GLT6D1: variants seen among roughly 807,000 people sequenced by gnomAD.
GLT6D1 encodes putative glycosyltransferase 6 domain-containing protein 1.
A neutral mutation model predicts 12.3 loss-of-function variants in GLT6D1; 9 were observed. That is an observed-to-expected ratio of 0.73 (90% CI 0.44 to 1.27). The LOEUF (loss-of-function observed/expected upper bound fraction) is 1.27. Ranked by LOEUF, GLT6D1 falls within the 50% of genes most tolerant of loss-of-function variation. GLT6D1 has a pLI of 0.00. For synonymous variants in GLT6D1, 128 were observed against 132.3 expected, an observed-to-expected ratio of 0.97 and a Z score of 0.23; for missense variants, 335 against 346.2, an observed-to-expected ratio of 0.97 and a Z score of 0.26.
rs1044898810 is a variant in GLT6D1 at position 135,639,105 on chromosome 9, C to T, written c.71+12G>A. 4 of 1,429,974 alleles carry T rather than the reference C, an allele frequency of 2.8e-6. No homozygotes were observed. The highest frequency in any genetic ancestry group is 1.9e-4 in the Middle Eastern group (1 of 5,276). The allele number at this position is 1,429,974 out of a possible 1,614,324, so 88.6% of individuals were successfully genotyped here. A position where few individuals can be genotyped will look rare whatever the true frequency, so the allele number is the denominator to read the frequency against. On this transcript the variant is annotated intron_variant, in intron 2 of 4. Coordinates refer to ENST00000371763, the MANE Select transcript of GLT6D1 (RefSeq NM_182974.3). Reference sequence around the variant, plus strand: ...CACTAAAGATCATGATTTATCAATACTTTATATTTACCTGAAATAACGCTC... The same window carrying T: ...CACTAAAGATCATGATTTATCAATATTTTATATTTACCTGAAATAACGCTC...
chr9:135,634,954 C>T (rs191863409), intron 2 of GLT6D1, among the ~76,000 whole-genome samples: 37 of 152,316 alleles, frequency 2.4e-4, no homozygotes, highest in Admixed American at 7.8e-4. Context: ...TATAAGAAAG[C>T]GCTGCGCGCA....
At chr9:135,637,429 A>G (rs986325907) in intron 2 of GLT6D1, among the ~76,000 whole-genome samples, 8 of 151,914 alleles carry the variant, frequency 5.3e-5, no homozygotes, top group Non-Finnish European at 1.0e-4. Context: ...GCTCTGTGGC[A>G]TGATAAGGCT....
In GLT6D1 at chr9:135,624,157, T is replaced by C; in HGVS notation, c.771A>G (p.Gly257=). ...LNGVIHDIKN[G]LNSTYEKHLN... Reference sequence around the variant, plus strand: ...GGTGCTTTTCATAAGTGCTATTGAGTCCATTTTTGATGTCATGAATAACTC... The same window carrying C: ...GGTGCTTTTCATAAGTGCTATTGAGCCCATTTTTGATGTCATGAATAACTC... Residue 257 remains glycine (G), a synonymous_variant, in exon 5 of 5, where the codon GGA becomes GGG. Transcript: ENST00000371763. The C allele has an allele frequency of 6.2e-7, 1 of 1,613,738 alleles. No individual in the cohort carries two copies. The highest frequency in any genetic ancestry group is 8.5e-7 in the Non-Finnish European group (1 of 1,179,868).
Position 135,639,284 on chromosome 9 carries a change from G to A in GLT6D1, c.-7+9C>T, listed in dbSNP as rs771736756. 87 of 669,216 alleles carry A rather than the reference G, an allele frequency of 1.3e-4. No individual in the cohort carries two copies. Among genetic ancestry groups the A allele is most frequent in the Non-Finnish European group, 2.0e-4 (76 of 386,554 alleles). The allele number at this position is 669,216 out of a possible 1,614,324, so 41.5% of individuals were successfully genotyped here. A position where few individuals can be genotyped will look rare whatever the true frequency, so the allele number is the denominator to read the frequency against. ...ACAATGGGTTAATGTATGGGCATTG[G>A]ACACCAACCTTAGAGGTTGCTTCTA... On this transcript the variant is annotated intron_variant, in intron 1 of 4. Coordinates refer to ENST00000371763, the MANE Select transcript of GLT6D1 (RefSeq NM_182974.3).
intron 2 of GLT6D1, among the ~76,000 whole-genome samples, chr9:135,635,063 C>G (rs1322265262): frequency 6.6e-6 from 1 of 152,114 alleles, no homozygotes; most frequent in Non-Finnish European, 1.5e-5. Flanking sequence ...AGATTTGTCT[C>G]TTCTCCCTTC....
intron 3 of GLT6D1, among the ~76,000 whole-genome samples, chr9:135,630,613 G>A (rs569749330): frequency 1.3e-5 from 2 of 151,900 alleles, no homozygotes; most frequent in East Asian, 1.9e-4. Flanking sequence ...CCAGCTACAC[G>A]GGAGGCTGAG....
chr9:135,634,443 T>TC, intron 2 of GLT6D1, among the ~76,000 whole-genome samples: 1 of 18,888 alleles, frequency 5.3e-5, no homozygotes, highest in South Asian at 1.4e-3. Context: ...TTTCCTTTCC[T>TC]TTTTTTTTTT....
At position 135,624,370 on chromosome 9, in the gene GLT6D1, G is replaced by A. The variant is rs1345944397; in HGVS notation, c.558C>T (p.Thr186=). 3 of 1,613,926 alleles carry A rather than the reference G, an allele frequency of 1.9e-6. No individual in the cohort carries two copies. The highest frequency in any genetic ancestry group is 2.5e-6 in the Non-Finnish European group (3 of 1,180,020). Residue 186 remains threonine, a synonymous_variant, in exon 5 of 5, where the codon ACC becomes ACT. Coordinates refer to ENST00000371763, the MANE Select transcript of GLT6D1 (RefSeq NM_182974.3). The part of the protein sequence containing the change: ...QVFQNEFGVE[T]LGPLVAQLHA... ...GGAGCTGGGCCACCAACGGGCCCAG[G>A]GTCTCCACCCCGAACTCATTCTGGA...
At position 135,628,958 on chromosome 9, in the gene GLT6D1, C is replaced by T. The variant is rs570670774; in HGVS notation, c.119+2473G>A. ...TTCAGTTCTCCCTTTTTAGCTAGGA[C>T]AATCAAGTTACACTTTTGGCAAATT... On this transcript the variant is annotated intron_variant, in intron 3 of 4. Transcript: ENST00000371763. Among the ~76,000 whole-genome samples the T allele has an allele frequency of 5.3e-5, 8 of 152,170 alleles. No homozygotes were observed. In the South Asian group the frequency reaches 1.7e-3, roughly 32 times the overall value.
chr9:135,633,931 C>G (rs1221763335), intron 2 of GLT6D1, among the ~76,000 whole-genome samples: 1 of 152,146 alleles, frequency 6.6e-6, no homozygotes, highest in Non-Finnish European at 1.5e-5. Flanking sequence ...GCTGTGGTTC[C>G]GGGGTAGATG....
At chr9:135,627,251 A>G (rs1476604432) in intron 3 of GLT6D1, among the ~76,000 whole-genome samples, 2 of 152,190 alleles carry the variant, frequency 1.3e-5, no homozygotes, top group African/African-American at 2.4e-5. Flanking sequence ...AAAAAAACCA[A>G]TATCTCCTAG....
chr9:135,638,950 T>C (rs1833837805), intron 2 of GLT6D1, among the ~76,000 whole-genome samples, 167 bp downstream of exon 2: 1 of 152,142 alleles, frequency 6.6e-6, no homozygotes, highest in African/African-American at 2.4e-5. Context: ...GAGGATCACT[T>C]GAGCCTGGGA....
intron 3 of GLT6D1, among the ~76,000 whole-genome samples, chr9:135,629,293 T>A (rs1342984811): frequency 6.6e-6 from 1 of 152,188 alleles, no homozygotes; most frequent in African/African-American, 2.4e-5. Context: ...TTTTGCTGCA[T>A]CCCATAAGTT....
upstream of GLT6D1, among the ~76,000 whole-genome samples, chr9:135,640,438 A>C (rs1427345968): frequency 6.6e-6 from 1 of 152,166 alleles, no homozygotes; most frequent in Non-Finnish European, 1.5e-5. Flanking sequence ...TGTGGCTCAC[A>C]GGCTGGGCGT....
chr9:135,632,112 C>A (rs1470171614), intron 2 of GLT6D1, among the ~76,000 whole-genome samples: 1 of 149,404 alleles, frequency 6.7e-6, no homozygotes, highest in Non-Finnish European at 1.5e-5. Context: ...TATTAGGCAA[C>A]CTCTGTTTCA....
At chr9:135,628,340 G>T (rs887394002) in intron 3 of GLT6D1, among the ~76,000 whole-genome samples, 2 of 151,968 alleles carry the variant, frequency 1.3e-5, no homozygotes, top group African/African-American at 4.8e-5. Flanking sequence ...AGATGATCCT[G>T]AGGTTTTTAT....
intron 2 of GLT6D1, among the ~76,000 whole-genome samples, chr9:135,638,846 C>T (rs1308537662): frequency 1.3e-5 from 2 of 152,126 alleles, no homozygotes; most frequent in East Asian, 3.8e-4. Flanking sequence ...CTCTGCCAGC[C>T]TGGACAACAT....
chr9:135,632,666 ATTTT>A (rs5901081), intron 2 of GLT6D1, among the ~76,000 whole-genome samples: 3 of 138,364 alleles, frequency 2.2e-5, no homozygotes, highest in Non-Finnish European at 1.6e-5. Flanking sequence ...CTCGACAGAG[ATTTT>A]TTTTTTTTTT....
intron 3 of GLT6D1, 135 bp from the exon 4 acceptor site, chr9:135,626,341 G>T: frequency 1.2e-6 from 1 of 865,144 alleles, no homozygotes; most frequent in Non-Finnish European, 1.8e-6. Context: ...CATCCCACTG[G>T]ATTCATCCTT....
Sources: gnomAD v4.1 joint callset for allele counts (sites outside exome capture counted in the v4.1 genomes callset) on GRCh38, gnomAD v4.1.1 for gene constraint, MANE v1.5 for transcripts, NCBI Gene and HGNC (gene_info 2026-07-23, HGNC 2026-07-21) for gene names.